ERMP1: variants seen among roughly 807,000 people sequenced by gnomAD.
The protein encoded by ERMP1 is Felix-ina.
In ERMP1, 86 loss-of-function variants were observed where a neutral mutation model predicts 92.0. The observed-to-expected ratio is 0.93, with a 90% CI of 0.79 to 1.12. ERMP1 has a LOEUF of 1.12. Among genes scored for constraint, ERMP1 ranks in the 50% most tolerant of loss-of-function variants. The probability of loss-of-function intolerance (pLI) is 0.00; values close to 1 mark genes in which losing one functional copy is unlikely to be tolerated. For missense variants in ERMP1, 1,342 were observed against 1,116.3 expected, an observed-to-expected ratio of 1.20 and a Z score of -2.88; for synonymous variants, 530 against 412.8, an observed-to-expected ratio of 1.28 and a Z score of -3.44.
At chr9:5,859,323 C>G (rs1392653206) in intron 6 of ERMP1, among the ~76,000 whole-genome samples, 1 of 152,090 alleles carries the variant, frequency 6.6e-6, no homozygotes, top group African/African-American at 2.4e-5. Context: ...TTTAACCTTT[C>G]AAAGCACTTC....
At chr9:5,815,749 A>G (rs944832983) in intron 4 of ERMP1, among the ~76,000 whole-genome samples, 2 of 152,106 alleles carry the variant, frequency 1.3e-5, no homozygotes, top group Non-Finnish European at 2.9e-5. Context: ...AAATAGTAGA[A>G]AAACCTGGCA....
chr9:5,811,657 A>G (rs548923277), intron 6 of ERMP1, among the ~76,000 whole-genome samples: 51 of 152,296 alleles, frequency 3.3e-4, no homozygotes, highest in Non-Finnish European at 5.3e-4. Context: ...GACAAATCCA[A>G]TGGCTGTTTC....
At chr9:5,844,709 T>G (rs1218128146) in intron 6 of ERMP1, among the ~76,000 whole-genome samples, 1 of 152,212 alleles carries the variant, frequency 6.6e-6, no homozygotes, top group Non-Finnish European at 1.5e-5. Context: ...GCATACCTCC[T>G]GCACCCCTCC....
At chr9:5,845,347 G>A (rs1384849245) in intron 6 of ERMP1, among the ~76,000 whole-genome samples, 1 of 152,090 alleles carries the variant, frequency 6.6e-6, no homozygotes, top group African/African-American at 2.4e-5. Flanking sequence ...AGGATCACTT[G>A]AAACCAGGAG....
intron 6 of ERMP1, among the ~76,000 whole-genome samples, chr9:5,854,886 TC>T (rs1345967417): frequency 6.6e-6 from 1 of 152,156 alleles, no homozygotes; most frequent in African/African-American, 2.4e-5. Flanking sequence ...GGTTAATATT[TC>T]CCATGTTTTT....
chr9:5,851,163 T>C (rs1830303526), intron 6 of ERMP1, among the ~76,000 whole-genome samples: 1 of 152,246 alleles, frequency 6.6e-6, no homozygotes, highest in Non-Finnish European at 1.5e-5. Flanking sequence ...TTTGTGAACA[T>C]AGTGCATCTT....
At chr9:5,855,082 TAGAA>T (rs1017984269) in intron 6 of ERMP1, among the ~76,000 whole-genome samples, 22 of 152,160 alleles carry the variant, frequency 1.4e-4, no homozygotes, top group African/African-American at 5.1e-4. Flanking sequence ...TCTCAGTTCT[TAGAA>T]AGAAAAATTT....
At chr9:5,862,074 A>T (rs1361193007) in intron 5 of ERMP1, among the ~76,000 whole-genome samples, 5 of 152,044 alleles carry the variant, frequency 3.3e-5, no homozygotes, top group Non-Finnish European at 1.5e-5. Flanking sequence ...CTGTCACCCC[A>T]GCTGGAGCGC....
Position 5,787,162 on chromosome 9 carries a change from G to A in ERMP1, c.2697C>T (p.Tyr899=), listed in dbSNP as rs576696054. The A allele has an allele frequency of 2.5e-5, 40 of 1,613,686 alleles. No homozygotes were observed. The highest frequency in any genetic ancestry group is 5.3e-5 in the African/African-American group (4 of 75,026). ...WTFPSAWVCT[Y]DLFVF is the part of the protein sequence containing the mutation. ...CACAAGATTAAAATACAAAGAGATC[G>A]TAGGTGCACACCCAGGCAGAGGGAA... Residue 899 remains tyrosine, a synonymous_variant, in exon 15 of 15, where the codon TAC becomes TAT. Coordinates refer to ENST00000339450, the MANE Select transcript of ERMP1 (RefSeq NM_024896.3).
chr9:5,843,541 G>A (rs1830192715), intron 6 of ERMP1, among the ~76,000 whole-genome samples: 1 of 152,134 alleles, frequency 6.6e-6, no homozygotes, highest in South Asian at 2.1e-4. Context: ...AGATTTGGGG[G>A]AAAGTTTATA....
chr9:5,805,137 C>A lies in ERMP1; in HGVS notation c.1804G>T (p.Val602Leu). 1.2e-6 allele frequency: 2 copies of A among 1,613,390 alleles called. No homozygotes were observed. Among genetic ancestry groups the A allele is most frequent in the Non-Finnish European group, 1.7e-6 (2 of 1,179,646 alleles). ...YLYALYLIWAVFEMFTPILGR... is the reference protein window; with the variant it reads ...YLYALYLIWALFEMFTPILGR... ...AGGATAGGGGTAAACATCTCAAATA[C>A]TGCCCAGATGAGGTACAATGCATAA... Residue 602 changes from valine to leucine, a missense_variant, in exon 10 of 15, where the codon GTA becomes TTA. Physicochemically the swap from Val to Leu is conservative, Grantham distance 32 (BLOSUM62 1). Coordinates refer to ENST00000339450, the MANE Select transcript of ERMP1 (RefSeq NM_024896.3).
rs1423839165 is a variant in ERMP1, at chr9:5,785,829, A to G, written c.*1315T>C. On this transcript the variant is annotated 3_prime_UTR_variant, in exon 15 of 15. Coordinates refer to ENST00000339450, the MANE Select transcript of ERMP1 (RefSeq NM_024896.3). Reference sequence around the variant, plus strand: ...CAACTTTTTGTCCTTGTTAAAACTCAAAATTTGTCCAACGTTTCACATTTC... The same window carrying G: ...CAACTTTTTGTCCTTGTTAAAACTCGAAATTTGTCCAACGTTTCACATTTC... 6.6e-6 allele frequency: 1 copy of G among 152,192 alleles called. No homozygotes were observed. The highest frequency in any genetic ancestry group is 1.5e-5 in the Non-Finnish European group (1 of 68,034). The allele number at this position is 152,192 out of a possible 1,614,324, so 9.4% of individuals were successfully genotyped here.
At chr9:5,845,973 T>G (rs992305388) in intron 6 of ERMP1, among the ~76,000 whole-genome samples, 21 of 152,188 alleles carry the variant, frequency 1.4e-4, no homozygotes, top group African/African-American at 4.1e-4. Context: ...CAGGCAGGCC[T>G]GGATGGGCAA....
intron 4 of ERMP1, among the ~76,000 whole-genome samples, chr9:5,814,109 T>C (rs1829213615): frequency 6.6e-6 from 1 of 152,004 alleles, no homozygotes; most frequent in Non-Finnish European, 1.5e-5. Flanking sequence ...TGGGCAGAGT[T>C]TTCAAAGGCA....
Position 5,787,104 on chromosome 9 carries a change from G to T in ERMP1, c.*40C>A, listed in dbSNP as rs1316705171. ...ACATAGGGAGAAACCATGTCACATG[G>T]AGTATCCACTGGGCATGTACTTAGA... On this transcript the variant is annotated 3_prime_UTR_variant, in exon 15 of 15. Transcript: ENST00000339450. 5.8e-6 allele frequency: 9 copies of T among 1,561,466 alleles called. No homozygotes were observed. Among genetic ancestry groups the T allele is most frequent in the African/African-American group, 1.4e-5 (1 of 73,580 alleles).
chr9:5,826,910 C>T (rs150838311), intron 2 of ERMP1, among the ~76,000 whole-genome samples: 1 of 151,948 alleles, frequency 6.6e-6, no homozygotes, highest in Non-Finnish European at 1.5e-5. Flanking sequence ...GGTTCTGGTG[C>T]GTTAAAAGAG....
chr9:5,822,680 G>A (rs1209720601), intron 4 of ERMP1, among the ~76,000 whole-genome samples: 1 of 152,022 alleles, frequency 6.6e-6, no homozygotes, highest in Non-Finnish European at 1.5e-5. Context: ...CTACATCTCT[G>A]GATAAAATGC....
At position 5,831,044 on chromosome 9, in the gene ERMP1, A is replaced by G; in HGVS notation, c.339-16T>C. ...AAGATAATCCCTGGAAGTAACCAAA[A>G]GAATAACAAAGGTTTGTAGTTAAAA... On this transcript the variant is annotated splice_polypyrimidine_tract_variant and intron_variant, in intron 1 of 14. Coordinates refer to ENST00000339450, the MANE Select transcript of ERMP1 (RefSeq NM_024896.3). 1 of 1,594,278 alleles carries G rather than the reference A, an allele frequency of 6.3e-7. No individual in the cohort carries two copies. Among genetic ancestry groups the G allele is most frequent in the Non-Finnish European group, 8.6e-7 (1 of 1,167,406 alleles).
At chr9:5,857,183 G>C (rs1830385987) in intron 6 of ERMP1, among the ~76,000 whole-genome samples, 1 of 152,022 alleles carries the variant, frequency 6.6e-6, no homozygotes, top group African/African-American at 2.4e-5. Context: ...AATCATGCCT[G>C]GCTAATTTTT....
Sources: gnomAD v4.1 joint callset for allele counts (sites outside exome capture counted in the v4.1 genomes callset) on GRCh38, gnomAD v4.1.1 for gene constraint, MANE v1.5 for transcripts, NCBI Gene and HGNC (gene_info 2026-07-23, HGNC 2026-07-21) for gene names.